The following TP73 variants were observed in gnomAD, a reference collection of about 807,000 sequenced individuals.
TP73 encodes the protein tumor protein p73, also known as p53-like transcription factor.
A neutral mutation model predicts 62.5 loss-of-function variants in TP73; 25 were observed. The ratio of observed to expected loss-of-function variants is 0.40; its 90% CI spans 0.29 to 0.56. TP73 has a LOEUF of 0.56. Among genes scored for constraint, TP73 ranks in the 20% least tolerant of loss-of-function variants. TP73 has a pLI of 0.46. For synonymous variants in TP73, 423 were observed against 377.5 expected (o/e 1.12, Z -1.40); for missense variants, 754 against 913.3 (o/e 0.83, Z 2.25).
Position 3,727,689 on chromosome 1 carries a change from C to A in TP73, c.904C>A (p.Arg302=), listed in dbSNP as rs1436693019. 1.8e-5 allele frequency: 29 copies of A among 1,591,724 alleles called. No homozygotes were observed. The highest frequency in any genetic ancestry group is 2.4e-5 in the Non-Finnish European group (28 of 1,171,476). ...GRICACPGRD[R]KADEDHYREQ... ...CATCTGCGCCTGTCCTGGCCGCGAC[C>A]GAAAAGCTGATGAGGACCACTACCG... Residue 302 remains arginine, a synonymous_variant, in exon 8 of 14, where the codon CGA becomes AGA. Coordinates refer to ENST00000378295, the MANE Select transcript of TP73 (RefSeq NM_005427.4).
intron 3 of TP73, among the ~76,000 whole-genome samples, chr1:3,687,551 G>A (rs538708717): frequency 3.3e-4 from 49 of 150,018 alleles, no homozygotes; most frequent in Non-Finnish European, 5.5e-4. Flanking sequence ...GCGTCCCCTC[G>A]GACAAAACCA....
rs1242382035 is a variant in TP73, at chr1:3,696,777, GCT to G, written c.187-10770_187-10769del. On this transcript the variant is annotated intron_variant, in intron 3 of 13. Transcript: ENST00000378295. The surrounding 1 kb of genome is among the most constrained non-coding windows in gnomAD (Gnocchi z 4.1). ...ATGAAAGACCCCGAGCAGCGGTGGG[GCT>G]CAAGCCATGTGGGGCCAGGGGAGGG... 6.6e-6 allele frequency among the ~76,000 whole-genome samples: 1 copy of G among 152,134 alleles called. No individual in the cohort carries two copies. The highest frequency in any genetic ancestry group is 2.4e-5 in the African/African-American group (1 of 41,418).
intron 1 of TP73, among the ~76,000 whole-genome samples, chr1:3,673,118 G>T (rs1645280624): frequency 6.6e-6 from 1 of 152,258 alleles, no homozygotes; most frequent in African/African-American, 2.4e-5. Flanking sequence ...CGCTGCAACT[G>T]GGCACTACCC....
intron 8 of TP73, 115 bp downstream of exon 8, chr1:3,727,885 C>G: frequency 1.4e-6 from 2 of 1,394,604 alleles, no homozygotes; most frequent in Admixed American, 2.8e-5. Flanking sequence ...CGGCCCCCCA[C>G]GCCCAGACTC....
chr1:3,670,809 C>T lies in TP73; in HGVS notation c.-33-11524C>T, dbSNP rs1398059120. ...TGTCCTGACCTGACCTGCTGGGCCC[C>T]GCCCGCTCAAACCAAATCATGGATT... On this transcript the variant is annotated intron_variant, in intron 1 of 13. Coordinates refer to ENST00000378295, the MANE Select transcript of TP73 (RefSeq NM_005427.4). This position sits in a 1 kb window ranked among gnomAD's most constrained non-coding sequence, Gnocchi z 5.9. 6.6e-6 allele frequency among the ~76,000 whole-genome samples: 1 copy of T among 152,242 alleles called. No individual in the cohort carries two copies. Among genetic ancestry groups the T allele is most frequent in the Non-Finnish European group, 1.5e-5 (1 of 68,050 alleles).
Position 3,732,720 on chromosome 1 carries a change from T to G in TP73, c.1579-27T>G, listed in dbSNP as rs746455664. The G allele has an allele frequency of 5.6e-5, 87 of 1,544,906 alleles. No individual in the cohort carries two copies. The African/African-American group carries it at 1.1e-3, about 19-fold the overall frequency. On this transcript the variant is annotated intron_variant, in intron 13 of 13. Transcript: ENST00000378295. ...CTGCTCTCCCTGCTCCACTGCCCCCTGCCCCTAATGCGCCGGCCTCTCGCA... is the reference window on the plus strand; with the variant it reads ...CTGCTCTCCCTGCTCCACTGCCCCCGGCCCCTAATGCGCCGGCCTCTCGCA...
chr1:3,722,722 GC>G (rs1641173813), intron 5 of TP73, among the ~76,000 whole-genome samples: 1 of 148,354 alleles, frequency 6.7e-6, no homozygotes. Flanking sequence ...CTGGCACAGG[GC>G]TGGGCACCTC....
intron 4 of TP73, among the ~76,000 whole-genome samples, chr1:3,717,468 C>T (rs371393193): frequency 6.6e-5 from 10 of 152,342 alleles, no homozygotes; most frequent in South Asian, 4.1e-4. Flanking sequence ...TGTCAACAGC[C>T]GAAGATAAAT....
intron 5 of TP73, 114 bp from the exon 6 acceptor site, chr1:3,723,240 T>A: frequency 1.3e-6 from 1 of 783,888 alleles, no homozygotes; most frequent in Non-Finnish European, 2.1e-6. Flanking sequence ...TCTCTGCACC[T>A]GACATGGGGC....
chr1:3,689,650 G>T (rs985792784), intron 3 of TP73, among the ~76,000 whole-genome samples: 1 of 151,876 alleles, frequency 6.6e-6, no homozygotes, highest in Non-Finnish European at 1.5e-5. Flanking sequence ...CGACAGGGAG[G>T]AAGGAAGCTG....
chr1:3,662,831 T>C lies in TP73; in HGVS notation c.-34+10190T>C, dbSNP rs1204633031. ...TCCCCACCAGGCCCCAGGACAGACCTGGCTGGGGAGCGCAGGGAGGGGTCC... is the reference window on the plus strand; with the variant it reads ...TCCCCACCAGGCCCCAGGACAGACCCGGCTGGGGAGCGCAGGGAGGGGTCC... On this transcript the variant is annotated intron_variant, in intron 1 of 13. Coordinates refer to ENST00000378295, the MANE Select transcript of TP73 (RefSeq NM_005427.4). The surrounding 1 kb of genome is among the most constrained non-coding windows in gnomAD (Gnocchi z 4.4). 6.6e-6 allele frequency among the ~76,000 whole-genome samples: 1 copy of C among 152,112 alleles called. No homozygotes were observed. Among genetic ancestry groups the C allele is most frequent in the Non-Finnish European group, 1.5e-5 (1 of 68,000 alleles).
intron 1 of TP73, among the ~76,000 whole-genome samples, chr1:3,667,433 C>T (rs1248761942): frequency 6.6e-6 from 1 of 152,224 alleles, no homozygotes; most frequent in Non-Finnish European, 1.5e-5. Flanking sequence ...GCATGGTCCC[C>T]TCTCCAGCTC....
Position 3,723,382 on chromosome 1 carries a change from C to T in TP73, c.645C>T (p.Ile215=), listed in dbSNP as rs1464034190. 6.2e-6 allele frequency: 10 copies of T among 1,612,558 alleles called. No homozygotes were observed. The highest frequency in any genetic ancestry group is 1.1e-5 in the South Asian group (1 of 91,082). Reference sequence around the variant, plus strand: ...AGTCTGCTCCAGCCAGCCACCTCATCCGCGTGGAAGGCAATAATCTCTCGC... The same window carrying T: ...AGTCTGCTCCAGCCAGCCACCTCATTCGCGTGGAAGGCAATAATCTCTCGC... ...EGQSAPASHL[I]RVEGNNLSQY... The change falls in exon 6 of 14, where the codon ATC becomes ATT. Residue 215 remains isoleucine, a synonymous_variant. Transcript: ENST00000378295.
Position 3,728,992 on chromosome 1 carries a change from A to AAGAGAGAGAGAGAG in TP73, c.1075-333_1075-320dup, listed in dbSNP as rs3034587. On this transcript the variant is annotated intron_variant, in intron 9 of 13. Transcript: ENST00000378295. ...GACAGAGCAAGACGCTGTCGAAAGAAAGAGAGAGAGAGAGACAGAGAGACA... is the reference window on the plus strand; with the variant it reads ...GACAGAGCAAGACGCTGTCGAAAGAAAGAGAGAGAGAGAGAGAGAGAGAGAGAGACAGAGAGACA... 6.2e-3 allele frequency among the ~76,000 whole-genome samples: 941 copies of AAGAGAGAGAGAGAG among 150,826 alleles called. 3 individuals are homozygous for AAGAGAGAGAGAGAG. The highest frequency in any genetic ancestry group is 0.021 in the Middle Eastern group (6 of 290).
chr1:3,724,771 C>A (rs1349646063), intron 6 of TP73, among the ~76,000 whole-genome samples: 1 of 152,240 alleles, frequency 6.6e-6, no homozygotes. Flanking sequence ...GTAATCCAAG[C>A]ACTTTGGGAG....
At chr1:3,710,684 G>C (rs575668480) in intron 4 of TP73, among the ~76,000 whole-genome samples, 1 of 152,262 alleles carries the variant, frequency 6.6e-6, no homozygotes, top group South Asian at 2.1e-4. Flanking sequence ...TGGGCACTGA[G>C]AGGTCTGGAG....
At position 3,729,606 on chromosome 1, in the gene TP73, A is replaced by G. The variant is rs759749663; in HGVS notation, c.1196+158A>G. On this transcript the variant is annotated intron_variant, in intron 10 of 13. Coordinates refer to ENST00000378295, the MANE Select transcript of TP73 (RefSeq NM_005427.4). ...GAGCCCACCCCACATCTCCTCCTCC[A>G]GGAAGCCTTCTAGCACTTGGGGCTG... 5.8e-6 allele frequency: 8 copies of G among 1,369,034 alleles called. No individual in the cohort carries two copies. The East Asian group carries it at 1.9e-4, about 32-fold the overall frequency. 84.8% of individuals were successfully genotyped at this position (1,369,034 alleles called of 1,614,324 possible).
intron 6 of TP73, among the ~76,000 whole-genome samples, chr1:3,725,453 G>A (rs946169270): frequency 7.5e-5 from 11 of 147,402 alleles, no homozygotes; most frequent in Non-Finnish European, 7.4e-5. Context: ...ATGGATGGAT[G>A]GATAAATGGG....
rs973076956 is a variant in TP73, at chr1:3,662,457, A to G, written c.-34+9816A>G. Among the ~76,000 whole-genome samples the G allele has an allele frequency of 6.6e-6, 1 of 152,210 alleles. No homozygotes were observed. The highest frequency in any genetic ancestry group is 1.5e-5 in the Non-Finnish European group (1 of 68,036). ...TGCTGCAGGCTGAACCAGCTATAGC[A>G]GGGGAGTTGACTGGTGAATGAAGGT... On this transcript the variant is annotated intron_variant, in intron 1 of 13. Coordinates refer to ENST00000378295, the MANE Select transcript of TP73 (RefSeq NM_005427.4). The surrounding 1 kb of genome is among the most constrained non-coding windows in gnomAD (Gnocchi z 4.4).
Sources: gnomAD v4.1 joint callset for allele counts (sites outside exome capture counted in the v4.1 genomes callset) on GRCh38, gnomAD v4.1.1 for gene constraint, Gnocchi (gnomAD v3.1) non-coding constraint, MANE v1.5 for transcripts, NCBI Gene and HGNC (gene_info 2026-07-23, HGNC 2026-07-21) for gene names.